The following GUCA1C variants were observed in gnomAD, a reference collection of about 807,000 sequenced individuals.
GUCA1C encodes guanylate cyclase activator 1C.
Under a neutral mutation model 16.2 loss-of-function variants are expected in GUCA1C, and 15 were observed. The observed-to-expected ratio is 0.93, with a 90% confidence interval of 0.62 to 1.43. The LOEUF is 1.43. Ranked by LOEUF, GUCA1C falls within the 40% of genes most tolerant of loss-of-function variation. The probability of loss-of-function intolerance (pLI) is 0.00; values close to 1 mark genes in which losing one functional copy is unlikely to be tolerated. For missense variants in GUCA1C, 275 were observed against 244.8 expected (o/e 1.12, Z -0.82); for synonymous variants, 78 against 85.4 (o/e 0.91, Z 0.48).
intron 1 of GUCA1C, among the ~76,000 whole-genome samples, chr3:108,927,709 C>T (rs1230100178): frequency 1.3e-5 from 2 of 152,106 alleles, no homozygotes; most frequent in African/African-American, 2.4e-5. Context: ...AATAATCGAC[C>T]TTCTGAATTC....
chr3:108,911,364 G>A (rs1400194882), intron 3 of GUCA1C, among the ~76,000 whole-genome samples: 1 of 152,070 alleles, frequency 6.6e-6, no homozygotes, highest in East Asian at 1.9e-4. Context: ...AAGTCATCCT[G>A]GTTTTAAAAT....
chr3:108,935,003 C>A (rs1013399943), intron 1 of GUCA1C, among the ~76,000 whole-genome samples: 1 of 151,562 alleles, frequency 6.6e-6, no homozygotes, highest in East Asian at 2.0e-4. Flanking sequence ...TTAGTAGAGA[C>A]GGGGTTTCAC....
intron 1 of GUCA1C, among the ~76,000 whole-genome samples, chr3:108,925,720 T>C (rs1475261645): frequency 2.0e-5 from 3 of 152,204 alleles, no homozygotes; most frequent in African/African-American, 4.8e-5. Flanking sequence ...ATCAGTGGAG[T>C]ATTAAAGTCC....
At chr3:108,911,520 C>G (rs1946452880) in intron 3 of GUCA1C, among the ~76,000 whole-genome samples, 1 of 152,176 alleles carries the variant, frequency 6.6e-6, no homozygotes, top group African/African-American at 2.4e-5. Context: ...AGGGAGGATG[C>G]TGGTGAAGAT....
At chr3:108,908,356 CAAAAAA>C in intron 3 of GUCA1C, 147 bp from the exon 4 acceptor site, 7 of 309,808 alleles carry the variant, frequency 2.3e-5, no homozygotes, top group East Asian at 4.5e-5. Flanking sequence ...TTCATTTAAA[CAAAAAA>C]AAAAAAAAAA....
At chr3:108,939,349 T>TTTTTTTTTTTTTTTTTTTTTTTTTTTTA (rs1946762615) in intron 1 of GUCA1C, among the ~76,000 whole-genome samples, 1 of 140,550 alleles carries the variant, frequency 7.1e-6, no homozygotes, top group Non-Finnish European at 1.5e-5. Flanking sequence ...TTTTTTTTTT[T>TTTTTTTTTTTTTTTTTTTTTTTTTTTTA]GAGACGGAAT....
chr3:108,918,570 C>T (rs749071312), intron 2 of GUCA1C, among the ~76,000 whole-genome samples: 17 of 152,114 alleles, frequency 1.1e-4, no homozygotes, highest in Admixed American at 7.9e-4. Flanking sequence ...CTGGGGGGTC[C>T]TACTAAACAA....
At chr3:108,917,259 C>A (rs1056807798) in intron 2 of GUCA1C, among the ~76,000 whole-genome samples, 3 of 152,290 alleles carry the variant, frequency 2.0e-5, no homozygotes, top group African/African-American at 7.2e-5. Context: ...AGTATCCCCA[C>A]ATTCTGAAGT....
chr3:108,953,540 G>T lies in GUCA1C; in HGVS notation c.204+19C>A. 17 of 1,448,534 alleles carry T rather than the reference G, an allele frequency of 1.2e-5. No homozygotes were observed. The highest frequency in any genetic ancestry group is 1.5e-5 in the Non-Finnish European group (15 of 1,031,386). The allele number at this position is 1,448,534 out of a possible 1,614,324, so 89.7% of individuals were successfully genotyped here. On this transcript the variant is annotated intron_variant, in intron 1 of 3. Coordinates refer to ENST00000261047, the MANE Select transcript of GUCA1C (RefSeq NM_005459.4). ...GAACCACAGCATTTTCAAATGAAAT[G>T]AAAAATGAAAGATCTTACCTTGTTC...
At chr3:108,917,278 C>T (rs1946527481) in intron 2 of GUCA1C, among the ~76,000 whole-genome samples, 1 of 152,106 alleles carries the variant, frequency 6.6e-6, no homozygotes, top group Non-Finnish European at 1.5e-5. Flanking sequence ...GTGATATTAG[C>T]CCACATAAAA....
At chr3:108,923,509 T>C (rs1946590478) in intron 1 of GUCA1C, among the ~76,000 whole-genome samples, 1 of 152,222 alleles carries the variant, frequency 6.6e-6, no homozygotes. Context: ...TATTTGTCTA[T>C]GTGCCAGTTT....
At chr3:108,929,673 A>G (rs1440944357) in intron 1 of GUCA1C, among the ~76,000 whole-genome samples, 1 of 152,240 alleles carries the variant, frequency 6.6e-6, no homozygotes, top group Non-Finnish European at 1.5e-5. Context: ...CAAACATAAA[A>G]TGCCATGATA....
chr3:108,942,552 T>C (rs1946797293), intron 1 of GUCA1C, among the ~76,000 whole-genome samples: 1 of 152,204 alleles, frequency 6.6e-6, no homozygotes, highest in Non-Finnish European at 1.5e-5. Flanking sequence ...ACAACCCTAA[T>C]ATTTGAATGT....
chr3:108,927,486 T>C (rs2107293686), intron 1 of GUCA1C, among the ~76,000 whole-genome samples: 1 of 151,820 alleles, frequency 6.6e-6, no homozygotes, highest in African/African-American at 2.4e-5. Context: ...AGCCTTGTCT[T>C]TGAGCTCTAA....
At chr3:108,952,537 T>A (rs1251758264) in intron 1 of GUCA1C, among the ~76,000 whole-genome samples, 1 of 152,144 alleles carries the variant, frequency 6.6e-6, no homozygotes, top group Admixed American at 6.5e-5. Flanking sequence ...TTTGCACAGG[T>A]TTAATCTTCC....
At chr3:108,954,150 G>A (rs1946927209), upstream of GUCA1C, among the ~76,000 whole-genome samples, 1 of 152,132 alleles carries the variant, frequency 6.6e-6, no homozygotes, top group Non-Finnish European at 1.5e-5. Flanking sequence ...TAGATTCTAT[G>A]CTTTGTTCTA....
intron 1 of GUCA1C, among the ~76,000 whole-genome samples, chr3:108,930,825 T>C (rs375162109): frequency 6.6e-6 from 1 of 152,352 alleles, no homozygotes; most frequent in East Asian, 1.9e-4. Context: ...CACTTCACTT[T>C]ATTAATCCCT....
chr3:108,952,520 T>G (rs1946904563), intron 1 of GUCA1C, among the ~76,000 whole-genome samples: 1 of 152,232 alleles, frequency 6.6e-6, no homozygotes, highest in Non-Finnish European at 1.5e-5. Context: ...TTAAAACAGC[T>G]GTTAATTTTG....
chr3:108,951,179 C>A (rs893360464), intron 1 of GUCA1C, among the ~76,000 whole-genome samples: 25 of 151,850 alleles, frequency 1.6e-4, no homozygotes, highest in African/African-American at 5.6e-4. Context: ...ATAAAAGTAG[C>A]AGATATGTAG....
Sources: gnomAD v4.1 joint callset for allele counts (sites outside exome capture counted in the v4.1 genomes callset) on GRCh38, gnomAD v4.1.1 for gene constraint, MANE v1.5 for transcripts, NCBI Gene and HGNC (gene_info 2026-07-23, HGNC 2026-07-21) for gene names.